Variants in ZNF223 observed in about 807,000 individuals in gnomAD.
ZNF223 encodes the protein Homo sapiens zinc finger protein 223.
ZNF223 carries 9 observed loss-of-function variants against 12.3 expected under a neutral mutation model. That is an observed-to-expected ratio of 0.73 (90% CI 0.44 to 1.28). The LOEUF is 1.28. Among genes scored for constraint, ZNF223 ranks in the 50% most tolerant of loss-of-function variants. The pLI is 0.00. For missense variants in ZNF223, 506 were observed against 579.0 expected, an observed-to-expected ratio of 0.87 and a Z score of 1.29; for synonymous variants, 171 against 195.2, an observed-to-expected ratio of 0.88 and a Z score of 1.03.
At chr19:44,058,627 G>T (rs969198681) in intron 2 of ZNF223, among the ~76,000 whole-genome samples, 1 of 152,234 alleles carries the variant, frequency 6.6e-6, no homozygotes, top group Non-Finnish European at 1.5e-5. Flanking sequence ...AAGGCCGGAG[G>T]TGTTGGCAGT....
rs1442345141 is a variant in ZNF223, at chr19:44,066,636, A to C, written c.808A>C (p.Ile270Leu). The C allele has an allele frequency of 2.5e-6, 4 of 1,614,112 alleles. No homozygotes were observed. The highest frequency in any genetic ancestry group is 3.4e-6 in the Non-Finnish European group (4 of 1,180,054). ...TTGTGAGGCATGTGGGAGGGCCTTC[A>C]TTCATGATTTCCAGCTTCAGAAACA... The part of the protein sequence containing the change: ...YNCEACGRAF[I>L]HDFQLQKHQR... The change falls in exon 5 of 5, where the codon ATT becomes CTT. Residue 270 changes from isoleucine to leucine, a missense_variant. By Grantham distance (5) the Ile-to-Leu change is conservative. Transcript: ENST00000434772.
Position 44,066,755 on chromosome 19 carries a change from C to T in ZNF223, c.927C>T (p.Val309=), listed in dbSNP as rs142054569. ...CAAGTCTTAATAGGCATTGTGTGGT[C>T]CACACAGGAAAGAAACCAAACAGCA... The part of the protein sequence containing the change: ...LRSSLNRHCV[V]HTGKKPNSTG... The change falls in exon 5 of 5, where the codon GTC becomes GTT. Residue 309 remains valine, a synonymous_variant. Transcript: ENST00000434772. The T allele has an allele frequency of 4.2e-5, 68 of 1,614,100 alleles. 1 individual carries two copies. In the African/African-American group the frequency reaches 7.7e-4, roughly 18 times the overall value.
chr19:44,062,071 A>T (rs1359055056), intron 4 of ZNF223, among the ~76,000 whole-genome samples: 1 of 152,146 alleles, frequency 6.6e-6, no homozygotes, highest in East Asian at 1.9e-4. Flanking sequence ...ACATGGAGGG[A>T]TCTGTAAATA....
At chr19:44,058,585 A>C (rs1417572344) in intron 2 of ZNF223, among the ~76,000 whole-genome samples, 3 of 152,134 alleles carry the variant, frequency 2.0e-5, no homozygotes, top group African/African-American at 7.2e-5. Flanking sequence ...GTTGCCTCTC[A>C]TTGAGTTTTT....
At chr19:44,059,072 T>C (rs1976804600) in intron 2 of ZNF223, among the ~76,000 whole-genome samples, 1 of 152,140 alleles carries the variant, frequency 6.6e-6, no homozygotes, top group Non-Finnish European at 1.5e-5. Flanking sequence ...CAGCACCCAT[T>C]CCCTTGTTTG....
At position 44,066,830 on chromosome 19, in the gene ZNF223, T is replaced by A; in HGVS notation, c.1002T>A (p.His334Gln). 2 of 1,613,138 alleles carry A rather than the reference T, an allele frequency of 1.2e-6. No homozygotes were observed. The highest frequency in any genetic ancestry group is 1.7e-6 in the Non-Finnish European group (2 of 1,179,728). The change falls in exon 5 of 5, where the codon CAT becomes CAA. Residue 334 changes from histidine (H) to glutamine (Q), a missense_variant. His to Gln is a conservative substitution (Grantham distance 24). Coordinates refer to ENST00000434772, the MANE Select transcript of ZNF223 (RefSeq NM_013361.6). ...GFIRRLDLCK[H>Q]QTIHTGEKPY... ...TTCGTAGGCTGGATTTGTGTAAGCA[T>A]CAGACGATCCACACAGGAGAGAAAC... is the stretch of plus-strand genomic sequence containing the variant.
intron 2 of ZNF223, among the ~76,000 whole-genome samples, chr19:44,059,910 G>C (rs911771721): frequency 6.6e-6 from 1 of 152,322 alleles, no homozygotes; most frequent in African/African-American, 2.4e-5. Context: ...GAAGTCAGGG[G>C]ATGTTCAGGA....
In ZNF223 at chr19:44,066,338, CT is replaced by C. The variant is rs755304170; in HGVS notation, c.511del (p.Ser171GlnfsTer125). ...TCTTTGATCTTCCTCAGCAAATACG[CT>C]CAGCAGAGAAGTCTCATTCCTGTGA... is the stretch of plus-strand genomic sequence containing the variant. ...SIFDLPQQIR[S>X]AEKSHSCDEC... On this transcript the variant is annotated frameshift_variant, in exon 5 of 5. Coordinates refer to ENST00000434772, the MANE Select transcript of ZNF223 (RefSeq NM_013361.6). LOFTEE classifies it low-confidence loss of function (END_TRUNC). The C allele has an allele frequency of 6.2e-7, 1 of 1,614,218 alleles. No homozygotes were observed. The highest frequency in any genetic ancestry group is 8.5e-7 in the Non-Finnish European group (1 of 1,180,048).
intron 2 of ZNF223, among the ~76,000 whole-genome samples, chr19:44,055,521 G>A (rs1976752961): frequency 6.6e-6 from 1 of 150,516 alleles, no homozygotes; most frequent in South Asian, 2.2e-4. Context: ...GGTAATCCCA[G>A]CACTTTGGGA....
chr19:44,067,368 ACCT>A lies in ZNF223; in HGVS notation c.*93_*95del, dbSNP rs1976936011. On this transcript the variant is annotated 3_prime_UTR_variant, in exon 5 of 5. Transcript: ENST00000434772. ...AATCAGTGTAATTAGCACATTTATC[ACCT>A]CAATTATCTCTTTTTTGTGTTGAGA... 2.3e-6 allele frequency: 3 copies of A among 1,288,192 alleles called. No individual in the cohort carries two copies. The highest frequency in any genetic ancestry group is 1.5e-5 in the African/African-American group (1 of 68,022). The allele number at this position is 1,288,192 out of a possible 1,614,324, so 79.8% of individuals were successfully genotyped here. A position where few individuals can be genotyped will look rare whatever the true frequency, so the allele number is the denominator to read the frequency against.
chr19:44,067,132 A>G lies in ZNF223; in HGVS notation c.1304A>G (p.Lys435Arg). 6.2e-7 allele frequency: 1 copy of G among 1,613,602 alleles called. No homozygotes were observed. Among genetic ancestry groups the G allele is most frequent in the African/African-American group, 1.3e-5 (1 of 74,984 alleles). Residue 435 changes from lysine to arginine, a missense_variant, in exon 5 of 5, where the codon AAG becomes AGG. Lys to Arg is a conservative substitution (Grantham distance 26, BLOSUM62 2). Transcript: ENST00000434772. Reference sequence around the variant, plus strand: ...CCATTCAAATGTGAGGATTGTGGAAAGAAGCTTGTATACCGGTCATACCGT... The same window carrying G: ...CCATTCAAATGTGAGGATTGTGGAAGGAAGCTTGTATACCGGTCATACCGT... The part of the protein sequence containing the change: ...KKPFKCEDCG[K>R]KLVYRSYRKD...
At position 44,067,350 on chromosome 19, in the gene ZNF223, G is replaced by A; in HGVS notation, c.*73G>A. 6 of 1,407,306 alleles carry A rather than the reference G, an allele frequency of 4.3e-6. No individual in the cohort carries two copies. Among genetic ancestry groups the A allele is most frequent in the Non-Finnish European group, 3.9e-6 (4 of 1,019,114 alleles). The allele number at this position is 1,407,306 out of a possible 1,614,324, so 87.2% of individuals were successfully genotyped here. On this transcript the variant is annotated 3_prime_UTR_variant, in exon 5 of 5. Coordinates refer to ENST00000434772, the MANE Select transcript of ZNF223 (RefSeq NM_013361.6). Reference sequence around the variant, plus strand: ...TATGATGTATAATGATCAAATCAGTGTAATTAGCACATTTATCACCTCAAT... The same window carrying A: ...TATGATGTATAATGATCAAATCAGTATAATTAGCACATTTATCACCTCAAT...
chr19:44,054,720 C>G (rs996319255), intron 1 of ZNF223, among the ~76,000 whole-genome samples: 9 of 152,170 alleles, frequency 5.9e-5, no homozygotes, highest in Admixed American at 2.0e-4. Context: ...ATTCTCAACT[C>G]AAATTTAGAA....
intron 4 of ZNF223, chr19:44,063,386 G>GT (rs1976866749): frequency 6.6e-6 from 1 of 152,286 alleles, no homozygotes; most frequent in South Asian, 2.1e-4. Context: ...GTCCAAGCAT[G>GT]TTACAACCCA....
chr19:44,066,224 C>G lies in ZNF223; in HGVS notation c.396C>G (p.Ser132=), dbSNP rs1280292648. 1.2e-6 allele frequency: 2 copies of G among 1,614,156 alleles called. No individual in the cohort carries two copies. Among genetic ancestry groups the G allele is most frequent in the Non-Finnish European group, 1.7e-6 (2 of 1,180,024 alleles). The change falls in exon 5 of 5, where the codon TCC becomes TCG. Residue 132 remains serine, a synonymous_variant. Transcript: ENST00000434772. ...TCTTTGAACAGGGTGATGCCCACTC[C>G]CAGGTTGAGGAAGGACTATCTATAA... ...SQFFEQGDAH[S]QVEEGLSIMH...
intron 4 of ZNF223, among the ~76,000 whole-genome samples, chr19:44,064,140 G>A (rs73558217): frequency 0.029 from 4,481 of 152,168 alleles, 216 homozygotes; most frequent in African/African-American, 0.1. Context: ...TTCATGTAAC[G>A]ACACCTTTCC....
At chr19:44,057,021 A>G (rs1976778737) in intron 2 of ZNF223, among the ~76,000 whole-genome samples, 1 of 152,218 alleles carries the variant, frequency 6.6e-6, no homozygotes, top group Non-Finnish European at 1.5e-5. Flanking sequence ...GTTCAAACAG[A>G]TTGGAACAAA....
At chr19:44,053,861 G>A (rs1425985906) in intron 1 of ZNF223, among the ~76,000 whole-genome samples, 1 of 152,158 alleles carries the variant, frequency 6.6e-6, no homozygotes, top group African/African-American at 2.4e-5. Context: ...CTTTTACCAA[G>A]CATACTGCCT....
Position 44,067,092 on chromosome 19 carries a change from C to G in ZNF223, c.1264C>G (p.His422Asp), listed in dbSNP as rs1976929357. The part of the protein sequence containing the change: ...ASSILNHKRL[H>D]CRKKPFKCED... Reference sequence around the variant, plus strand: ...AAGTATTTTGAATCATAAGAGACTCCATTGCCGAAAAAAACCATTCAAATG... The same window carrying G: ...AAGTATTTTGAATCATAAGAGACTCGATTGCCGAAAAAAACCATTCAAATG... The change falls in exon 5 of 5, where the codon CAT becomes GAT. Residue 422 changes from histidine to aspartate, a missense_variant. His to Asp is a moderately conservative substitution (Grantham distance 81). Coordinates refer to ENST00000434772, the MANE Select transcript of ZNF223 (RefSeq NM_013361.6). 1.2e-6 allele frequency: 2 copies of G among 1,613,266 alleles called. No individual in the cohort carries two copies. Among genetic ancestry groups the G allele is most frequent in the East Asian group, 4.5e-5 (2 of 44,878 alleles).
Sources: gnomAD v4.1 joint callset for allele counts (sites outside exome capture counted in the v4.1 genomes callset) on GRCh38, gnomAD v4.1.1 for gene constraint, MANE v1.5 for transcripts, NCBI Gene and HGNC (gene_info 2026-07-23, HGNC 2026-07-21) for gene names.